The following ARID5B variants were observed in gnomAD, a reference collection of about 807,000 sequenced individuals.
The protein encoded by ARID5B is AT-rich interaction domain 5B.
ARID5B carries 13 observed loss-of-function variants against 97.2 expected under a neutral mutation model. The observed-to-expected ratio is 0.13, with a 90% CI of 0.09 to 0.21. ARID5B has a LOEUF of 0.21. Among genes scored for constraint, ARID5B ranks in the 10% least tolerant of loss-of-function variants. ARID5B has a pLI of 1.00. For synonymous variants in ARID5B, 556 were observed against 570.3 expected, an observed-to-expected ratio of 0.97 and a Z score of 0.36; for missense variants, 1,210 against 1,465.3, an observed-to-expected ratio of 0.83 and a Z score of 2.84.
chr10:61,930,562 T>C (rs904291937), intron 2 of ARID5B, among the ~76,000 whole-genome samples: 2 of 151,356 alleles, frequency 1.3e-5, no homozygotes, highest in Non-Finnish European at 2.9e-5. Context: ...CTACTAAAAA[T>C]ACAAAAAATT....
At chr10:62,037,904 C>T (rs2132913837) in intron 4 of ARID5B, among the ~76,000 whole-genome samples, 1 of 152,170 alleles carries the variant, frequency 6.6e-6, no homozygotes, top group Non-Finnish European at 1.5e-5. Flanking sequence ...AGTGGAAAAG[C>T]CAATTTGAGA....
At chr10:62,013,204 C>T (rs575765192) in intron 4 of ARID5B, among the ~76,000 whole-genome samples, 8 of 152,234 alleles carry the variant, frequency 5.3e-5, no homozygotes, top group South Asian at 4.2e-4. Flanking sequence ...TAAGCTCAGG[C>T]GGTGATTTTC....
intron 3 of ARID5B, among the ~76,000 whole-genome samples, chr10:61,972,222 A>C (rs1437962473): frequency 8.3e-6 from 1 of 120,214 alleles, no homozygotes; most frequent in Admixed American, 1.1e-4. Flanking sequence ...GTCTTATATC[A>C]TGCTTTTTTT....
At chr10:62,039,654 T>A (rs757213068) in intron 4 of ARID5B, among the ~76,000 whole-genome samples, 6 of 152,212 alleles carry the variant, frequency 3.9e-5, no homozygotes, top group Non-Finnish European at 7.3e-5. Context: ...CAGGGCAAAC[T>A]GAGCACCGGG....
In ARID5B at chr10:62,033,942, A is replaced by G. The variant is rs572073530; in HGVS notation, c.734-16946A>G. Among the ~76,000 whole-genome samples, 9 of 152,286 alleles carry G rather than the reference A, an allele frequency of 5.9e-5. No homozygotes were observed. In the East Asian group the frequency reaches 1.2e-3, roughly 20 times the overall value. On this transcript the variant is annotated intron_variant, in intron 4 of 9. Transcript: ENST00000279873. ...TGCTCTCAAAGCCCGTGCCCTCTCT[A>G]CTTTCTTATGAAACTTGGGTCTCCA...
Position 62,092,422 on chromosome 10 carries a change from A to G in ARID5B, c.2959A>G (p.Arg987Gly), listed in dbSNP as rs764050346. 6.2e-7 allele frequency: 1 copy of G among 1,614,252 alleles called. No homozygotes were observed. The highest frequency in any genetic ancestry group is 8.5e-7 in the Non-Finnish European group (1 of 1,180,040). ...KPHHVRLENFRKMEGMVHPIL... is the reference protein window; with the variant it reads ...KPHHVRLENFGKMEGMVHPIL... The stretch of plus-strand genomic sequence containing the variant: ...TCACCATGTGAGACTGGAGAATTTC[A>G]GGAAGATGGAAGGCATGGTCCACCC... Residue 987 changes from arginine (R) to glycine (G), a missense_variant, in exon 10 of 10, where the codon AGG (arginine) becomes GGG (glycine). Arg to Gly is a moderately radical substitution (Grantham distance 125). Transcript: ENST00000279873.
At chr10:61,940,957 ATATATATATTTTTTTTTTTTTTTTTT>A (rs1844396920) in intron 3 of ARID5B, among the ~76,000 whole-genome samples, 1 of 6,842 alleles carries the variant, frequency 1.5e-4, no homozygotes, top group African/African-American at 4.0e-4. Flanking sequence ...ATATATATAT[ATATATATATTTTTTTTTTTTTTTTTT>A]TTTTTTTTTT....
At chr10:62,066,077 G>A (rs1839984713) in intron 7 of ARID5B, among the ~76,000 whole-genome samples, 2 of 152,118 alleles carry the variant, frequency 1.3e-5, no homozygotes, top group Non-Finnish European at 2.9e-5. Flanking sequence ...GAATTTTAAA[G>A]CTTACCCACA....
In ARID5B at chr10:62,054,433, C is replaced by A. The variant is rs141343969; in HGVS notation, c.847-2684C>A. 4.4e-3 allele frequency among the ~76,000 whole-genome samples: 677 copies of A among 152,276 alleles called. 5 individuals are homozygous for A. Among genetic ancestry groups the A allele is most frequent in the African/African-American group, 0.015 (628 of 41,548 alleles). On this transcript the variant is annotated intron_variant, in intron 5 of 9. Coordinates refer to ENST00000279873, the MANE Select transcript of ARID5B (RefSeq NM_032199.3). ...CAAGCTAGAACAAGAAAAGAAGCTT[C>A]TGTTTACTTGTTCACTTCTTACTAA...
chr10:62,087,532 TAAAAAAAAA>T (rs769545599), intron 9 of ARID5B, among the ~76,000 whole-genome samples: 1 of 133,228 alleles, frequency 7.5e-6, no homozygotes. Flanking sequence ...TGCTGCCCAT[TAAAAAAAAA>T]AAAAAACTGA....
chr10:61,924,229 C>T (rs74156288), intron 2 of ARID5B, among the ~76,000 whole-genome samples: 259 of 152,298 alleles, frequency 1.7e-3, no homozygotes, highest in African/African-American at 5.9e-3. Flanking sequence ...GAGTTGGACT[C>T]AGGCGGTTGT....
At chr10:61,974,120 A>C (rs765419747) in intron 3 of ARID5B, among the ~76,000 whole-genome samples, 2 of 152,196 alleles carry the variant, frequency 1.3e-5, no homozygotes, top group East Asian at 1.9e-4. Context: ...TCCAATGCAC[A>C]TGCTTGGTGA....
At chr10:61,950,101 G>C (rs541171511) in intron 3 of ARID5B, among the ~76,000 whole-genome samples, 2 of 152,108 alleles carry the variant, frequency 1.3e-5, no homozygotes, top group African/African-American at 4.8e-5. Flanking sequence ...TCTGCCTTCC[G>C]GGTTCAAGTG....
chr10:61,933,900 C>G (rs1279769942), intron 2 of ARID5B, among the ~76,000 whole-genome samples: 4 of 152,214 alleles, frequency 2.6e-5, no homozygotes, highest in Admixed American at 1.3e-4. Flanking sequence ...TCCTCTGAAG[C>G]TTTGAAGCTG....
At chr10:61,991,675 A>G (rs1205582703) in intron 3 of ARID5B, among the ~76,000 whole-genome samples, 1 of 152,102 alleles carries the variant, frequency 6.6e-6, no homozygotes, top group African/African-American at 2.4e-5. Context: ...TTTAATTTTG[A>G]TGAAGTCCAG....
intron 2 of ARID5B, among the ~76,000 whole-genome samples, chr10:61,908,316 G>A (rs2132754483): frequency 6.6e-6 from 1 of 151,832 alleles, no homozygotes; most frequent in South Asian, 2.1e-4. Flanking sequence ...TCTTGATAAG[G>A]AGATGAGATC....
intron 8 of ARID5B, among the ~76,000 whole-genome samples, chr10:62,076,568 A>AAAAAAAAAAC (rs1312710537): frequency 6.6e-6 from 1 of 151,624 alleles, no homozygotes; most frequent in Non-Finnish European, 1.5e-5. Flanking sequence ...TCTCAAAAAA[A>AAAAAAAAAAC]AAAAAAAAAA....
rs752506951 is a variant in ARID5B, at chr10:62,092,539, A to G, written c.3076A>G (p.Lys1026Glu). Reference sequence around the variant, plus strand: ...GGATTTGGACCTTGTGATTGCAGGGAAAAAGGCCCGGGCAGTGTCTCCCTT... The same window carrying G: ...GGATTTGGACCTTGTGATTGCAGGGGAAAAGGCCCGGGCAGTGTCTCCCTT... ...LEDLDLVIAGKKARAVSPLDP... is the reference protein window; with the variant it reads ...LEDLDLVIAGEKARAVSPLDP... The change falls in exon 10 of 10, where the codon AAA becomes GAA. Residue 1026 changes from lysine (K) to glutamate (E), a missense_variant. Transcript: ENST00000279873. 6.2e-7 allele frequency: 1 copy of G among 1,613,940 alleles called. No individual in the cohort carries two copies. The highest frequency in any genetic ancestry group is 8.5e-7 in the Non-Finnish European group (1 of 1,179,956).
intron 1 of ARID5B, among the ~76,000 whole-genome samples, 180 bp from the exon 2 acceptor site, chr10:61,901,979 T>G (rs1489284481): frequency 6.6e-6 from 1 of 151,116 alleles, no homozygotes; most frequent in Admixed American, 6.6e-5. Context: ...CTGAGTTTTT[T>G]TTTTTTTTTT....
Sources: gnomAD v4.1 joint callset for allele counts (sites outside exome capture counted in the v4.1 genomes callset) on GRCh38, gnomAD v4.1.1 for gene constraint, MANE v1.5 for transcripts, NCBI Gene and HGNC (gene_info 2026-07-23, HGNC 2026-07-21) for gene names.